Variants in NLGN1 observed in about 807,000 individuals in gnomAD.
The protein encoded by NLGN1 is neuroligin 1, also known as neuroligin-1.
In NLGN1, 12 loss-of-function variants were observed where a neutral mutation model predicts 65.5. The ratio of observed to expected loss-of-function variants is 0.18; its 90% CI spans 0.12 to 0.30. NLGN1 has a LOEUF of 0.30. Among genes scored for constraint, NLGN1 ranks in the 10% least tolerant of loss-of-function variants. The pLI, the probability that NLGN1 is intolerant of heterozygous loss-of-function variation, is 1.00. For missense variants in NLGN1, 750 were observed against 1,007.1 expected (o/e 0.74, Z 3.46); for synonymous variants, 350 against 359.5 (o/e 0.97, Z 0.30).
intron 4 of NLGN1, among the ~76,000 whole-genome samples, chr3:173,962,826 C>T (rs1713914548): frequency 6.6e-6 from 1 of 152,080 alleles, no homozygotes; most frequent in Non-Finnish European, 1.5e-5. Flanking sequence ...GCTCAATATA[C>T]CTTATCTGTC....
At chr3:173,406,413 A>G (rs912331506) in intron 1 of NLGN1, among the ~76,000 whole-genome samples, 1 of 151,154 alleles carries the variant, frequency 6.6e-6, no homozygotes, top group African/African-American at 2.4e-5. Flanking sequence ...TCATTACTGA[A>G]CCATATTTTA....
At chr3:174,117,383 G>A (rs1170945987) in intron 4 of NLGN1, among the ~76,000 whole-genome samples, 1 of 151,970 alleles carries the variant, frequency 6.6e-6, no homozygotes, top group African/African-American at 2.4e-5. Flanking sequence ...TTGGGAGGCC[G>A]AGGCGGGTGG....
At chr3:174,291,035 AT>A (rs1382793215), downstream of NLGN1, among the ~76,000 whole-genome samples, 1 of 150,804 alleles carries the variant, frequency 6.6e-6, no homozygotes, top group Non-Finnish European at 1.5e-5. Context: ...AGAAAAAATA[AT>A]TTTTTAAATT....
intron 3 of NLGN1, among the ~76,000 whole-genome samples, chr3:173,694,105 G>A (rs920602842): frequency 2.0e-4 from 31 of 152,150 alleles, no homozygotes; most frequent in Middle Eastern, 3.4e-3. Flanking sequence ...CAATGAGACC[G>A]ACCAGCTCTG....
intron 4 of NLGN1, among the ~76,000 whole-genome samples, chr3:174,015,353 G>T (rs907502393): frequency 6.6e-5 from 10 of 152,128 alleles, no homozygotes; most frequent in Admixed American, 6.6e-4. Flanking sequence ...GAATGGTCGG[G>T]TTCTGGTGAG....
chr3:173,878,792 C>A (rs1732672008), intron 4 of NLGN1, among the ~76,000 whole-genome samples: 1 of 151,832 alleles, frequency 6.6e-6, no homozygotes, highest in African/African-American at 2.4e-5. Flanking sequence ...AAACAATTAT[C>A]CCTTGCACTA....
intron 4 of NLGN1, among the ~76,000 whole-genome samples, chr3:174,043,136 C>T (rs950935318): frequency 2.6e-5 from 4 of 152,138 alleles, no homozygotes; most frequent in Admixed American, 6.6e-5. Context: ...ATAAGGGAAG[C>T]TTTTCCCATG....
At chr3:173,554,904 C>T (rs1308309338) in intron 2 of NLGN1, among the ~76,000 whole-genome samples, 2 of 152,122 alleles carry the variant, frequency 1.3e-5, no homozygotes, top group Non-Finnish European at 2.9e-5. Context: ...GCTCCATTAT[C>T]TTGCCAATAT....
intron 4 of NLGN1, among the ~76,000 whole-genome samples, chr3:174,260,901 A>G (rs1299770032): frequency 5.4e-5 from 8 of 148,082 alleles, no homozygotes; most frequent in Admixed American, 2.0e-4. Flanking sequence ...CTTTCTACAT[A>G]TGGCTAGCCA....
At chr3:173,716,122 G>T (rs1353138361) in intron 3 of NLGN1, among the ~76,000 whole-genome samples, 2 of 152,084 alleles carry the variant, frequency 1.3e-5, no homozygotes, top group Admixed American at 1.3e-4. Context: ...CCACTTTATT[G>T]CTTTCCTGTC....
intron 3 of NLGN1, among the ~76,000 whole-genome samples, chr3:173,801,294 T>C (rs2150411187): frequency 6.6e-6 from 1 of 152,160 alleles, no homozygotes; most frequent in Non-Finnish European, 1.5e-5. Flanking sequence ...GAGCTCATCT[T>C]TTTTGGTTCC....
rs190746234 is a variant in NLGN1 at position 173,875,652 on chromosome 3, T to C, written c.646+67820T>C. On this transcript the variant is annotated intron_variant, in intron 4 of 6. Coordinates refer to ENST00000457714, the Ensembl canonical transcript of NLGN1. ...ATTTTTAAATGAGAAAATATTATGATTTTAAACCTTTATTAATAAAAACAG... is the reference window on the plus strand; with the variant it reads ...ATTTTTAAATGAGAAAATATTATGACTTTAAACCTTTATTAATAAAAACAG... Among the ~76,000 whole-genome samples the C allele has an allele frequency of 5.0e-3, 764 of 152,290 alleles. 2 individuals carry two copies. The highest frequency in any genetic ancestry group is 7.8e-3 in the Non-Finnish European group (528 of 68,010).
intron 4 of NLGN1, among the ~76,000 whole-genome samples, chr3:174,099,197 A>G (rs769996515): frequency 6.6e-6 from 1 of 152,240 alleles, no homozygotes; most frequent in Non-Finnish European, 1.5e-5. Context: ...ACCCGTTTGC[A>G]TTATTTATAC....
chr3:174,035,124 A>G (rs1349275722), intron 4 of NLGN1, among the ~76,000 whole-genome samples: 1 of 152,214 alleles, frequency 6.6e-6, no homozygotes, highest in African/African-American at 2.4e-5. Context: ...TAAAATTTAC[A>G]TTATTTAATT....
intron 4 of NLGN1, among the ~76,000 whole-genome samples, chr3:173,820,502 A>G (rs1242823505): frequency 6.6e-6 from 1 of 152,190 alleles, no homozygotes; most frequent in African/African-American, 2.4e-5. Context: ...ATATGTTTCA[A>G]AACGCTCAGT....
intron 4 of NLGN1, among the ~76,000 whole-genome samples, chr3:173,841,446 C>G (rs2150676738): frequency 6.6e-6 from 1 of 152,212 alleles, no homozygotes; most frequent in East Asian, 1.9e-4. Context: ...TAAGGGGGAA[C>G]AGAGGATGAA....
At position 174,195,630 on chromosome 3, in the gene NLGN1, C is replaced by T. The variant is rs998166221; in HGVS notation, c.647-79685C>T. Among the ~76,000 whole-genome samples the T allele has an allele frequency of 5.3e-5, 8 of 152,080 alleles. 1 individual carries two copies. Among genetic ancestry groups the T allele is most frequent in the Admixed American group, 5.2e-4 (8 of 15,276 alleles). The stretch of plus-strand genomic sequence containing the variant: ...CATAATCCATGGCAGCCAATGCAGC[C>T]GAAGTGTCTGTGCACAAGAAATATT... On this transcript the variant is annotated intron_variant, in intron 4 of 6. Transcript: ENST00000457714.
chr3:174,025,072 G>A (rs1355000220), intron 4 of NLGN1, among the ~76,000 whole-genome samples: 1 of 152,076 alleles, frequency 6.6e-6, no homozygotes, highest in East Asian at 1.9e-4. Context: ...CCTACTATGG[G>A]CCAAGAGTTA....
At chr3:173,935,664 C>G (rs930518951) in intron 4 of NLGN1, among the ~76,000 whole-genome samples, 11 of 148,186 alleles carry the variant, frequency 7.4e-5, no homozygotes, top group Non-Finnish European at 1.6e-4. Context: ...TCTCTCTCTG[C>G]CTTACTGTTA....
Sources: allele counts gnomAD v4.1 joint callset (sites outside exome capture counted in the v4.1 genomes callset), GRCh38; gene constraint gnomAD v4.1.1; transcripts MANE v1.5; gene names NCBI Gene and HGNC (gene_info 2026-07-23, HGNC 2026-07-21).